Variants in ZNF83 observed in about 807,000 individuals in gnomAD.
ZNF83 encodes the protein zinc finger protein 816B.
For missense variants in ZNF83, 552 were observed against 629.9 expected (o/e 0.88, Z 1.32); for synonymous variants, 209 against 213.0 (o/e 0.98, Z 0.17).
In ZNF83 at chr19:52,650,260, T is replaced by C. The variant is rs559122842; in HGVS notation, c.-74+5301A>G. On this transcript the variant is annotated intron_variant, in intron 3 of 5. Transcript: ENST00000594682. ...AAAACATGAGCTTGTTACTTTTCTT[T>C]CTTTTTTTTTTTTGAGACAGAGTTT... Among the ~76,000 whole-genome samples the C allele has an allele frequency of 2.2e-4, 8 of 35,710 alleles. No individual in the cohort carries two copies. In the East Asian group the frequency reaches 0.013, roughly 58 times the overall value. The allele number at this position is 35,710 out of a possible 152,430, so 23.4% of individuals were successfully genotyped here.
intron 3 of ZNF83, chr19:52,654,221 G>A: frequency 6.3e-7 from 1 of 1,585,536 alleles, no homozygotes; most frequent in Non-Finnish European, 8.6e-7. Context: ...GGTGCTTCAT[G>A]GCCATTTCTT....
rs532396191 is a variant in ZNF83 at position 52,666,607 on chromosome 19, C to T, written c.-282-5764G>A. On this transcript the variant is annotated intron_variant, in intron 1 of 5. Transcript: ENST00000594682. ...GTGAGCACACCTCATCAAGGAAGAA[C>T]TATCCTAAGTCAAAAAAAAAAAAAA... Among the ~76,000 whole-genome samples the T allele has an allele frequency of 2.9e-5, 3 of 104,612 alleles. No individual in the cohort carries two copies. In the South Asian group the frequency reaches 9.9e-4, roughly 34 times the overall value. 68.6% of individuals were successfully genotyped at this position (104,612 alleles called of 152,430 possible). A position where few individuals can be genotyped will look rare whatever the true frequency, so the allele number is the denominator to read the frequency against.
At chr19:52,613,269 A>G (rs925768335) in exon 3 of ZNF83, 5 of 1,614,054 alleles carry the variant, frequency 3.1e-6, no homozygotes, top group South Asian at 1.1e-5. Context: ...TCCCACATTC[A>G]TTACATTTAT....
intron 2 of ZNF83, among the ~76,000 whole-genome samples, chr19:52,633,007 T>C (rs1189330210): frequency 6.6e-6 from 1 of 152,152 alleles, no homozygotes; most frequent in East Asian, 1.9e-4. Flanking sequence ...TTTACCACTA[T>C]TTCGTTTTAT....
intron 2 of ZNF83, chr19:52,618,396 A>G (rs2060396383): frequency 6.5e-6 from 1 of 154,642 alleles, no homozygotes; most frequent in African/African-American, 2.4e-5. Context: ...AGTAGCTGGG[A>G]CTACAGGTGC....
chr19:52,683,278 GTGTA>G (rs1273904110), intron 1 of ZNF83, among the ~76,000 whole-genome samples: 3 of 101,030 alleles, frequency 3.0e-5, no homozygotes, highest in Non-Finnish European at 4.4e-5. Flanking sequence ...GTGTGTGTGT[GTGTA>G]TGCTCACGTG....
rs35612737 is a variant in ZNF83 at position 52,687,633 on chromosome 19, G to GTATATA, written c.-283+2804_-283+2809dup. On this transcript the variant is annotated intron_variant, in intron 1 of 5. Transcript: ENST00000594682. ...TATAATGTGTATATATATATATAAT[G>GTATATA]TATATATATATATATATATATATAA... 6.5e-3 allele frequency among the ~76,000 whole-genome samples: 182 copies of GTATATA among 27,828 alleles called. 24 individuals are homozygous for GTATATA. Among genetic ancestry groups the GTATATA allele is most frequent in the Non-Finnish European group, 7.7e-3 (136 of 17,740 alleles). 18.3% of individuals were successfully genotyped at this position (27,828 alleles called of 152,430 possible). A position where few individuals can be genotyped will look rare whatever the true frequency, so the allele number is the denominator to read the frequency against.
chr19:52,683,228 C>CTG (rs67463602), intron 1 of ZNF83, among the ~76,000 whole-genome samples: 4,812 of 127,788 alleles, frequency 0.038, 127 homozygotes, highest in East Asian at 0.068. Flanking sequence ...CCCTGTGACT[C>CTG]TGTGTGTGTG....
chr19:52,663,510 C>T (rs918523055), intron 1 of ZNF83, among the ~76,000 whole-genome samples: 5 of 152,148 alleles, frequency 3.3e-5, no homozygotes, highest in Non-Finnish European at 7.3e-5. Context: ...CTTAGAGGCT[C>T]ACAGCTCACC....
chr19:52,630,080 A>G (rs924330962), intron 2 of ZNF83, among the ~76,000 whole-genome samples: 3 of 152,192 alleles, frequency 2.0e-5, no homozygotes, highest in African/African-American at 7.2e-5. Context: ...GGGCCAAGGA[A>G]TGCCCGCAGC....
intron 1 of ZNF83, among the ~76,000 whole-genome samples, chr19:52,681,752 G>T (rs1193165341): frequency 6.6e-6 from 1 of 152,174 alleles, no homozygotes; most frequent in African/African-American, 2.4e-5. Context: ...ATCTAATGGA[G>T]AGAACATGAA....
At chr19:52,642,460 G>C (rs554414794), upstream of ZNF83, among the ~76,000 whole-genome samples, 1 of 151,554 alleles carries the variant, frequency 6.6e-6, no homozygotes, top group Non-Finnish European at 1.5e-5. Context: ...TAAAGACCGG[G>C]TATCTCCATG....
intron 1 of ZNF83, among the ~76,000 whole-genome samples, chr19:52,684,535 G>C (rs955126783): frequency 6.2e-5 from 8 of 128,784 alleles, no homozygotes; most frequent in African/African-American, 2.6e-4. Context: ...GGACAATAGA[G>C]TGAGACTCTG....
chr19:52,671,348 T>G (rs1412239626), intron 1 of ZNF83, among the ~76,000 whole-genome samples: 2 of 152,202 alleles, frequency 1.3e-5, no homozygotes, highest in Non-Finnish European at 2.9e-5. Context: ...CAACATAATA[T>G]GCTAACATCA....
intron 2 of ZNF83, among the ~76,000 whole-genome samples, chr19:52,658,308 G>A (rs1242884484): frequency 6.6e-6 from 1 of 152,124 alleles, no homozygotes; most frequent in African/African-American, 2.4e-5. Flanking sequence ...ACTCACGCCT[G>A]TAATTCCAGC....
rs2062047128 is a variant in ZNF83 at position 52,687,503 on chromosome 19, T to C, written c.-283+2940A>G. Among the ~76,000 whole-genome samples, 2 of 64,170 alleles carry C rather than the reference T, an allele frequency of 3.1e-5. 1 individual carries two copies. The highest frequency in any genetic ancestry group is 5.9e-5 in the Non-Finnish European group (2 of 34,164). The allele number at this position is 64,170 out of a possible 152,430, so 42.1% of individuals were successfully genotyped here. A position where few individuals can be genotyped will look rare whatever the true frequency, so the allele number is the denominator to read the frequency against. On this transcript the variant is annotated intron_variant, in intron 1 of 5. Coordinates refer to the ZNF83 transcript ENST00000594682. ...ATATAAATTATAATTTATATAGATA[T>C]ATAAATTATATATAAATTTTATATA...
intron 1 of ZNF83, among the ~76,000 whole-genome samples, chr19:52,680,604 ATATTTTT>A (rs1336566652): frequency 6.7e-5 from 6 of 89,930 alleles, no homozygotes; most frequent in African/African-American, 1.7e-4. Context: ...TTTCCACAAA[ATATTTTT>A]TTTTTTTTTT....
At chr19:52,629,248 A>G (rs2060860435) in intron 2 of ZNF83, among the ~76,000 whole-genome samples, 1 of 152,184 alleles carries the variant, frequency 6.6e-6, no homozygotes, top group Non-Finnish European at 1.5e-5. Context: ...TCATAAAATA[A>G]GCAAACGGTC....
intron 2 of ZNF83, among the ~76,000 whole-genome samples, chr19:52,620,936 A>G (rs569621823): frequency 1.3e-5 from 2 of 152,204 alleles, no homozygotes; most frequent in Admixed American, 1.3e-4. Flanking sequence ...ACAATAGATA[A>G]CCACCTTTAA....
Sources: allele counts gnomAD v4.1 joint callset (sites outside exome capture counted in the v4.1 genomes callset), GRCh38; gene constraint gnomAD v4.1.1; transcripts MANE v1.5; gene names NCBI Gene and HGNC (gene_info 2026-07-23, HGNC 2026-07-21).